Variants in RAD51B observed in about 807,000 individuals in gnomAD.
RAD51B encodes the protein RAD51 paralog B, also known as DNA repair protein RAD51 homolog 2.
RAD51B carries 38 observed loss-of-function variants against 42.2 expected under a neutral mutation model. The ratio of observed to expected loss-of-function variants is 0.90; its 90% CI spans 0.70 to 1.18. The LOEUF is 1.18. Among genes scored for constraint, RAD51B ranks in the 50% most tolerant of loss-of-function variants. The pLI is 0.00. For synonymous variants in RAD51B, 154 were observed against 145.2 expected, an observed-to-expected ratio of 1.06 and a Z score of -0.43; for missense variants, 373 against 400.7, an observed-to-expected ratio of 0.93 and a Z score of 0.59.
chr14:68,119,448 C>G (rs2077606864), intron 7 of RAD51B, among the ~76,000 whole-genome samples: 1 of 145,898 alleles, frequency 6.9e-6, no homozygotes, highest in Non-Finnish European at 1.5e-5. Context: ...AGGTATATCT[C>G]CTAAAGCTAT....
At chr14:68,563,796 A>T in intron 10 of RAD51B, 2 of 985,340 alleles carry the variant, frequency 2.0e-6, no homozygotes, top group Non-Finnish European at 2.4e-6. Flanking sequence ...GTAAGAAACG[A>T]CAGCTCGGTA....
chr14:68,510,321 C>T (rs1219019275), intron 10 of RAD51B, among the ~76,000 whole-genome samples: 1 of 152,222 alleles, frequency 6.6e-6, no homozygotes, highest in African/African-American at 2.4e-5. Context: ...AACAAAAACA[C>T]TGGACCAAAT....
chr14:68,220,254 C>T (rs58876362), intron 7 of RAD51B, among the ~76,000 whole-genome samples: 59 of 152,224 alleles, frequency 3.9e-4, no homozygotes, highest in African/African-American at 1.4e-3. Context: ...GTTTAGAAAG[C>T]GTATTTGAGG....
At chr14:67,846,095 G>T (rs2041602063) in intron 4 of RAD51B, among the ~76,000 whole-genome samples, 1 of 152,124 alleles carries the variant, frequency 6.6e-6, no homozygotes, top group African/African-American at 2.4e-5. Context: ...GGTGGCAGTG[G>T]GATCTGTGCT....
intron 9 of RAD51B, among the ~76,000 whole-genome samples, chr14:68,431,648 C>T (rs1039097704): frequency 1.1e-4 from 17 of 152,136 alleles, no homozygotes; most frequent in South Asian, 8.3e-4. Context: ...CTCTTTTCTT[C>T]TTTATTAGTC....
chr14:68,050,912 G>A (rs1428201577), intron 7 of RAD51B, among the ~76,000 whole-genome samples: 2 of 151,278 alleles, frequency 1.3e-5, no homozygotes, highest in Admixed American at 6.6e-5. Context: ...ATAATTATAT[G>A]TTAAGAAAAT....
chr14:67,993,752 G>T (rs28509330), intron 7 of RAD51B, among the ~76,000 whole-genome samples: 43,026 of 151,878 alleles, frequency 0.28, 8,164 homozygotes, highest in African/African-American at 0.54. Flanking sequence ...ATTTTTAGTG[G>T]TTTTAGGACC....
intron 5 of RAD51B, among the ~76,000 whole-genome samples, chr14:67,876,909 A>G (rs1367905568): frequency 1.3e-5 from 2 of 152,172 alleles, no homozygotes; most frequent in Non-Finnish European, 2.9e-5. Flanking sequence ...AGCTCTTAAT[A>G]GGTTTTCAGG....
chr14:67,964,387 T>C (rs1341894208), intron 7 of RAD51B, among the ~76,000 whole-genome samples: 2 of 152,104 alleles, frequency 1.3e-5, no homozygotes, highest in Non-Finnish European at 2.9e-5. Flanking sequence ...ACAAAGCAGC[T>C]CCAAAGTGTG....
chr14:68,295,528 G>A (rs1164800458), intron 8 of RAD51B, among the ~76,000 whole-genome samples: 1 of 152,138 alleles, frequency 6.6e-6, no homozygotes, highest in Non-Finnish European at 1.5e-5. Flanking sequence ...ACAGCCCTGT[G>A]CAGATGACCT....
At chr14:68,080,347 T>C (rs1213572351) in intron 7 of RAD51B, among the ~76,000 whole-genome samples, 1 of 152,250 alleles carries the variant, frequency 6.6e-6, no homozygotes, top group African/African-American at 2.4e-5. Flanking sequence ...TTCAATTCTT[T>C]TATTTACATT....
intron 7 of RAD51B, among the ~76,000 whole-genome samples, chr14:68,202,425 T>C (rs1216705860): frequency 1.3e-5 from 2 of 152,184 alleles, no homozygotes; most frequent in African/African-American, 4.8e-5. Context: ...GAGTCAGTCC[T>C]CTCAAACCCT....
chr14:67,891,981 G>A (rs972275858), intron 7 of RAD51B, among the ~76,000 whole-genome samples: 2 of 152,134 alleles, frequency 1.3e-5, no homozygotes, highest in African/African-American at 4.8e-5. Context: ...CCTTGATGTA[G>A]ACATAGATAT....
Position 67,963,502 on chromosome 14 carries a change from A to G in RAD51B, c.756+76298A>G, listed in dbSNP as rs147975470. On this transcript the variant is annotated intron_variant, in intron 7 of 10. Transcript: ENST00000471583. ...TGCTCTGAAAAATGAATAAATACTT[A>G]CGCAGTTTTATAGCCTCATTTCTTT... 5.3e-4 allele frequency among the ~76,000 whole-genome samples: 80 copies of G among 152,270 alleles called. 1 individual carries two copies. In the East Asian group the frequency reaches 0.014, roughly 28 times the overall value.
At chr14:67,921,567 T>TCACACACACACA (rs3219795) in intron 7 of RAD51B, among the ~76,000 whole-genome samples, 29 of 125,946 alleles carry the variant, frequency 2.3e-4, no homozygotes, top group African/African-American at 3.3e-4. Context: ...TATGTGCACA[T>TCACACACACACA]CACACACACA....
chr14:67,845,851 A>G (rs995337922), intron 4 of RAD51B, among the ~76,000 whole-genome samples: 1 of 151,746 alleles, frequency 6.6e-6, no homozygotes, highest in African/African-American at 2.4e-5. Context: ...TGCCTTTAAC[A>G]TTTTTTTCCT....
chr14:68,553,794 G>A (rs983879877), intron 10 of RAD51B, among the ~76,000 whole-genome samples: 1 of 152,134 alleles, frequency 6.6e-6, no homozygotes, highest in Non-Finnish European at 1.5e-5. Context: ...AAAGGTCAGA[G>A]GGGCTGGTGA....
chr14:68,067,749 G>A (rs1398429977), intron 7 of RAD51B, among the ~76,000 whole-genome samples: 1 of 151,528 alleles, frequency 6.6e-6, no homozygotes, highest in East Asian at 1.9e-4. Context: ...GGGCAACACA[G>A]CAAGACCCCA....
At chr14:68,272,746 C>T (rs1453337020) in intron 7 of RAD51B, among the ~76,000 whole-genome samples, 5 of 120,654 alleles carry the variant, frequency 4.1e-5, no homozygotes, top group African/African-American at 1.3e-4. Context: ...AGTGCAGTGG[C>T]GTGATCTCGG....
Sources: gnomAD v4.1 joint callset for allele counts (sites outside exome capture counted in the v4.1 genomes callset) on GRCh38, gnomAD v4.1.1 for gene constraint, MANE v1.5 for transcripts, NCBI Gene and HGNC (gene_info 2026-07-23, HGNC 2026-07-21) for gene names.